Variants in RAB37 observed in about 807,000 individuals in gnomAD.
RAB37 encodes the protein ras-related protein Rab-37.
Under a neutral mutation model 33.1 loss-of-function variants are expected in RAB37, and 29 were observed. The ratio of observed to expected loss-of-function variants is 0.88; its 90% CI spans 0.65 to 1.20. The LOEUF is 1.20. Among genes scored for constraint, RAB37 ranks in the 50% most tolerant of loss-of-function variants. RAB37 has a pLI of 0.00. For synonymous variants in RAB37, 128 were observed against 119.5 expected (o/e 1.07, Z -0.47); for missense variants, 299 against 301.1 (o/e 0.99, Z 0.05).
At position 74,744,831 on chromosome 17, in the gene RAB37, CGGA is replaced by C; in HGVS notation, c.433-39_433-37del. ...GGGGCAAAATATGGGCCCGCTGGGG[CGGA>C]GGCCTCCTTCCCCAGAGTGACCCAT... On this transcript the variant is annotated intron_variant, in intron 6 of 8. Coordinates refer to ENST00000392613, the MANE Select transcript of RAB37 (RefSeq NM_001006638.3). This position sits in a 1 kb window ranked among gnomAD's most constrained non-coding sequence, Gnocchi z 4.2. 6.2e-7 allele frequency: 1 copy of C among 1,610,148 alleles called. No individual in the cohort carries two copies.
In RAB37 at chr17:74,745,194, C is replaced by A; in HGVS notation, c.566+110C>A. 1.3e-6 allele frequency: 2 copies of A among 1,530,494 alleles called. No individual in the cohort carries two copies. The highest frequency in any genetic ancestry group is 9.0e-7 in the Non-Finnish European group (1 of 1,106,092). The allele number at this position is 1,530,494 out of a possible 1,614,324, so 94.8% of individuals were successfully genotyped here. ...CCTGGACACACCTGCATTCTGCAGGCTGAGGTCCATTTGCTCTGGGAGCAC... is the reference window on the plus strand; with the variant it reads ...CCTGGACACACCTGCATTCTGCAGGATGAGGTCCATTTGCTCTGGGAGCAC... On this transcript the variant is annotated intron_variant, in intron 8 of 8. Coordinates refer to ENST00000392613, the MANE Select transcript of RAB37 (RefSeq NM_001006638.3). This position sits in a 1 kb window ranked among gnomAD's most constrained non-coding sequence, Gnocchi z 4.5.
Position 74,745,093 on chromosome 17 carries a change from T to C in RAB37, c.566+9T>C, listed in dbSNP as rs372802089. On this transcript the variant is annotated intron_variant, in intron 8 of 8. Transcript: ENST00000392613. The surrounding 1 kb of genome is among the most constrained non-coding windows in gnomAD (Gnocchi z 4.5). Reference sequence around the variant, plus strand: ...TTTCTGGCCATCGCCAAGTGAGAGCTGGGCAGGGAAGGGAAGTGTGCGGGG... The same window carrying C: ...TTTCTGGCCATCGCCAAGTGAGAGCCGGGCAGGGAAGGGAAGTGTGCGGGG... 20 of 1,613,964 alleles carry C rather than the reference T, an allele frequency of 1.2e-5. No individual in the cohort carries two copies. Among genetic ancestry groups the C allele is most frequent in the Non-Finnish European group, 1.7e-5 (20 of 1,179,948 alleles).
At chr17:74,678,242 A>G (rs1015069794) in intron 1 of RAB37, among the ~76,000 whole-genome samples, 1 of 152,106 alleles carries the variant, frequency 6.6e-6, no homozygotes, top group Non-Finnish European at 1.5e-5. Flanking sequence ...ACATCCTCCT[A>G]TCTCTTAACC....
At chr17:74,678,989 T>C (rs1427583836) in intron 1 of RAB37, among the ~76,000 whole-genome samples, 1 of 151,634 alleles carries the variant, frequency 6.6e-6, no homozygotes, top group Non-Finnish European at 1.5e-5. Context: ...CAGGCGCCTG[T>C]AACCCCAGCT....
At chr17:74,700,262 T>G (rs1363861867) in intron 1 of RAB37, among the ~76,000 whole-genome samples, 2 of 152,092 alleles carry the variant, frequency 1.3e-5, no homozygotes, top group Non-Finnish European at 2.9e-5. Context: ...GGGCTGACAA[T>G]GGCCTCCACT....
intron 1 of RAB37, among the ~76,000 whole-genome samples, chr17:74,689,485 T>TA (rs2032120172): frequency 6.6e-6 from 1 of 151,992 alleles, no homozygotes; most frequent in Admixed American, 6.6e-5. Context: ...AAAAATACAG[T>TA]ATATCTCTTT....
Position 74,730,603 on chromosome 17 carries a change from C to T in RAB37, c.183+1237C>T, listed in dbSNP as rs966403698. Among the ~76,000 whole-genome samples, 17 of 152,170 alleles carry T rather than the reference C, an allele frequency of 1.1e-4. No individual in the cohort carries two copies. The highest frequency in any genetic ancestry group is 2.9e-5 in the Non-Finnish European group (2 of 68,030). ...GACCCAGGAGGCCAAGGCTACCTGG[C>T]AATCCCTGAGGTCTGGGACCAGGCT... is the stretch of plus-strand genomic sequence containing the variant. On this transcript the variant is annotated intron_variant, in intron 2 of 7. Transcript: ENST00000340415. This position sits in a 1 kb window ranked among gnomAD's most constrained non-coding sequence, Gnocchi z 4.4.
At chr17:74,707,330 G>A (rs574472002) in intron 1 of RAB37, among the ~76,000 whole-genome samples, 7 of 152,328 alleles carry the variant, frequency 4.6e-5, no homozygotes, top group African/African-American at 1.4e-4. Flanking sequence ...CAAGGAATCT[G>A]ACCAGATATT....
At chr17:74,683,207 G>A (rs1567774971) in intron 1 of RAB37, among the ~76,000 whole-genome samples, 1 of 152,180 alleles carries the variant, frequency 6.6e-6, no homozygotes, top group Non-Finnish European at 1.5e-5. Flanking sequence ...TAGGCTTATT[G>A]GGGCTGCAGA....
intron 1 of RAB37, among the ~76,000 whole-genome samples, chr17:74,706,724 G>A (rs954759458): frequency 4.6e-5 from 7 of 152,126 alleles, no homozygotes; most frequent in South Asian, 2.1e-4. Context: ...AACCAACGGC[G>A]CGGACAGAGG....
upstream of RAB37, chr17:74,736,976 G>T (rs896266731): frequency 2.6e-6 from 4 of 1,566,910 alleles, no homozygotes; most frequent in Non-Finnish European, 3.5e-6. Flanking sequence ...CCAGGGGCAA[G>T]CAAGCGACCA....
At chr17:74,698,300 T>G in intron 1 of RAB37, 1 of 1,064,082 alleles carries the variant, frequency 9.4e-7, no homozygotes, top group Non-Finnish European at 1.4e-6. Context: ...TTGGACCAGA[T>G]AGCTCCCAGA....
chr17:74,690,199 G>C (rs192400923), intron 1 of RAB37, among the ~76,000 whole-genome samples: 1 of 152,078 alleles, frequency 6.6e-6, no homozygotes, highest in East Asian at 1.9e-4. Context: ...GGGCTCAATC[G>C]ATCACCCACC....
intron 1 of RAB37, among the ~76,000 whole-genome samples, chr17:74,722,142 G>T (rs2034250218): frequency 6.6e-6 from 1 of 152,068 alleles, no homozygotes; most frequent in African/African-American, 2.4e-5. Context: ...AATTAGCCGG[G>T]CGTGGTGGCG....
intron 1 of RAB37, among the ~76,000 whole-genome samples, chr17:74,711,899 C>CTT (rs2033989436): frequency 7.0e-6 from 1 of 143,554 alleles, no homozygotes; most frequent in African/African-American, 2.6e-5. Context: ...TTTCTTTTTT[C>CTT]TTTTTTCTTT....
intron 1 of RAB37, among the ~76,000 whole-genome samples, chr17:74,728,595 ATGTG>A (rs548051994): frequency 6.9e-6 from 1 of 145,908 alleles, no homozygotes; most frequent in African/African-American, 2.6e-5. Flanking sequence ...TATGTGTTGT[ATGTG>A]TGTATGTTTA....
chr17:74,737,375 C>A lies in RAB37; in HGVS notation c.93+10C>A. On this transcript the variant is annotated intron_variant, in intron 1 of 8. Transcript: ENST00000392613. ...CGACCTCACGGGCAAGGTGGGTGGG[C>A]CTCTTCCGTGAGACCCCCGCCCTCC... is the stretch of plus-strand genomic sequence containing the variant. 6.4e-7 allele frequency: 1 copy of A among 1,554,156 alleles called. No individual in the cohort carries two copies. Among genetic ancestry groups the A allele is most frequent in the Non-Finnish European group, 8.7e-7 (1 of 1,155,784 alleles).
At chr17:74,690,814 C>T (rs994699727) in intron 1 of RAB37, among the ~76,000 whole-genome samples, 3 of 152,190 alleles carry the variant, frequency 2.0e-5, no homozygotes, top group African/African-American at 7.2e-5. Flanking sequence ...TGACTGTCAA[C>T]CTATTTCTGA....
At chr17:74,684,428 A>T (rs2032013096) in intron 1 of RAB37, among the ~76,000 whole-genome samples, 2 of 152,024 alleles carry the variant, frequency 1.3e-5, no homozygotes, top group Non-Finnish European at 2.9e-5. Context: ...TTAATTGCAA[A>T]ATTTGAAAAA....
Sources: gnomAD v4.1 joint callset for allele counts (sites outside exome capture counted in the v4.1 genomes callset) on GRCh38, gnomAD v4.1.1 for gene constraint, Gnocchi (gnomAD v3.1) non-coding constraint, MANE v1.5 for transcripts, NCBI Gene and HGNC (gene_info 2026-07-23, HGNC 2026-07-21) for gene names.